Variants in PLEKHM3 observed in about 807,000 individuals in gnomAD.
PLEKHM3 encodes pleckstrin homology domain-containing family M member 3.
A neutral mutation model predicts 81.8 loss-of-function variants in PLEKHM3; 45 were observed. That is an observed-to-expected ratio of 0.55 (90% CI 0.43 to 0.71). PLEKHM3 has a LOEUF of 0.71. Ranked by LOEUF, PLEKHM3 falls within the 30% of genes least tolerant of loss-of-function variation. The pLI, the probability that PLEKHM3 is intolerant of heterozygous loss-of-function variation, is 0.00. For missense variants in PLEKHM3, 788 were observed against 924.3 expected, an observed-to-expected ratio of 0.85 and a Z score of 1.91; for synonymous variants, 352 against 356.4, an observed-to-expected ratio of 0.99 and a Z score of 0.14.
At position 207,906,661 on chromosome 2, in the gene PLEKHM3, T is replaced by C. The variant is rs150431645; in HGVS notation, c.1950+1853A>G. 2.4e-3 allele frequency among the ~76,000 whole-genome samples: 361 copies of C among 152,162 alleles called. 2 individuals carry two copies. Among genetic ancestry groups the C allele is most frequent in the African/African-American group, 8.2e-3 (342 of 41,498 alleles). On this transcript the variant is annotated intron_variant, in intron 6 of 7. Coordinates refer to ENST00000427836, the MANE Select transcript of PLEKHM3 (RefSeq NM_001080475.3). ...AAAATTAGACAGGGCTGGTGGTACA[T>C]GCTTGTCATCCCAGCTACACGGGAG... is the stretch of plus-strand genomic sequence containing the variant.
intron 6 of PLEKHM3, among the ~76,000 whole-genome samples, chr2:207,902,630 C>A (rs1472711817): frequency 2.0e-5 from 3 of 152,170 alleles, no homozygotes; most frequent in African/African-American, 7.2e-5. Flanking sequence ...ATTATTCTGA[C>A]ATAAGCAGAG....
chr2:207,875,239 A>G (rs1364642560), intron 6 of PLEKHM3, among the ~76,000 whole-genome samples: 1 of 152,210 alleles, frequency 6.6e-6, no homozygotes, highest in African/African-American at 2.4e-5. Flanking sequence ...TAACTTAAAC[A>G]CATGTTAATA....
chr2:207,893,280 C>T (rs1306765526), intron 6 of PLEKHM3, among the ~76,000 whole-genome samples: 2 of 152,262 alleles, frequency 1.3e-5, no homozygotes, highest in Admixed American at 6.5e-5. Flanking sequence ...TGCGTGCCAG[C>T]AGGCCTCTGG....
At chr2:207,962,945 G>A (rs950938496) in intron 3 of PLEKHM3, among the ~76,000 whole-genome samples, 5 of 136,800 alleles carry the variant, frequency 3.7e-5, no homozygotes, top group African/African-American at 5.1e-5. Context: ...AAAAAAAGAC[G>A]TGCCCGGAAA....
intron 7 of PLEKHM3, among the ~76,000 whole-genome samples, chr2:207,829,107 G>A (rs977534020): frequency 2.0e-5 from 3 of 152,058 alleles, no homozygotes; most frequent in East Asian, 1.9e-4. Flanking sequence ...TAACATGAGC[G>A]TGAACATTAA....
intron 3 of PLEKHM3, among the ~76,000 whole-genome samples, chr2:207,948,379 A>C (rs1351279040): frequency 8.3e-6 from 1 of 120,536 alleles, no homozygotes; most frequent in Non-Finnish European, 1.7e-5. Context: ...TTTTTGAGAC[A>C]GAGTCTCACT....
chr2:207,840,746 C>T (rs1356692212), intron 7 of PLEKHM3, among the ~76,000 whole-genome samples: 1 of 150,942 alleles, frequency 6.6e-6, no homozygotes, highest in East Asian at 1.9e-4. Flanking sequence ...CTCCAAGTTT[C>T]CTGTTTATGT....
intron 2 of PLEKHM3, among the ~76,000 whole-genome samples, chr2:207,997,535 G>A (rs899779784): frequency 6.6e-6 from 1 of 152,206 alleles, no homozygotes; most frequent in Admixed American, 6.5e-5. Context: ...ACACCAGCAA[G>A]TAAGAGAATG....
At chr2:208,023,951 T>C (rs1574501077) in intron 1 of PLEKHM3, among the ~76,000 whole-genome samples, 1 of 152,056 alleles carries the variant, frequency 6.6e-6, no homozygotes, top group African/African-American at 2.4e-5. Context: ...AAGACCAGCC[T>C]GGGCAACATG....
chr2:207,859,269 G>A (rs1195033633), intron 7 of PLEKHM3, among the ~76,000 whole-genome samples: 1 of 150,996 alleles, frequency 6.6e-6, no homozygotes, highest in African/African-American at 2.4e-5. Flanking sequence ...CTCCCGAGCA[G>A]CTGGGATTAC....
chr2:207,999,827 A>G (rs1692237893), intron 2 of PLEKHM3, among the ~76,000 whole-genome samples: 1 of 152,214 alleles, frequency 6.6e-6, no homozygotes, highest in Non-Finnish European at 1.5e-5. Context: ...CTCGGGTTAC[A>G]CTTATAAGCT....
intron 4 of PLEKHM3, among the ~76,000 whole-genome samples, chr2:207,932,091 G>C (rs1329275805): frequency 6.6e-6 from 1 of 152,218 alleles, no homozygotes; most frequent in African/African-American, 2.4e-5. Context: ...CAAATATACT[G>C]CTTCAGTGAC....
chr2:207,841,741 G>A (rs2092355423), intron 7 of PLEKHM3, among the ~76,000 whole-genome samples: 1 of 151,298 alleles, frequency 6.6e-6, no homozygotes, highest in Non-Finnish European at 1.5e-5. Context: ...TATTACTTGG[G>A]TCTATTTCCA....
At chr2:207,956,453 A>G (rs1690510712) in intron 3 of PLEKHM3, among the ~76,000 whole-genome samples, 1 of 152,090 alleles carries the variant, frequency 6.6e-6, no homozygotes, top group African/African-American at 2.4e-5. Context: ...AGCTTGGGCA[A>G]CGGTATGAGA....
intron 4 of PLEKHM3, among the ~76,000 whole-genome samples, chr2:207,932,152 AAT>A (rs1689618560): frequency 6.6e-6 from 1 of 152,234 alleles, no homozygotes; most frequent in African/African-American, 2.4e-5. Flanking sequence ...AACTCCAGCC[AAT>A]ATATCCATCC....
intron 3 of PLEKHM3, among the ~76,000 whole-genome samples, chr2:207,960,521 A>G (rs1690692351): frequency 6.6e-6 from 1 of 152,232 alleles, no homozygotes; most frequent in Admixed American, 6.5e-5. Flanking sequence ...TCTGGAAGCA[A>G]TATATGTGAT....
At chr2:207,854,852 C>T (rs1574338380) in intron 7 of PLEKHM3, among the ~76,000 whole-genome samples, 2 of 152,262 alleles carry the variant, frequency 1.3e-5, no homozygotes, top group Admixed American at 1.3e-4. Context: ...GGTGAGAATC[C>T]AGCATCTTAA....
intron 3 of PLEKHM3, among the ~76,000 whole-genome samples, chr2:207,958,735 T>C (rs151296667): frequency 0.019 from 2,880 of 151,588 alleles, 93 homozygotes; most frequent in African/African-American, 0.066. Context: ...CATGATGAAA[T>C]CCCGTCTCTA....
intron 1 of PLEKHM3, among the ~76,000 whole-genome samples, chr2:208,008,538 A>T (rs187143345): frequency 6.6e-6 from 1 of 150,460 alleles, no homozygotes; most frequent in African/African-American, 2.4e-5. Flanking sequence ...GACAAAAAAA[A>T]ATGTCCCAGG....
Sources: gnomAD v4.1 joint callset for allele counts (sites outside exome capture counted in the v4.1 genomes callset) on GRCh38, gnomAD v4.1.1 for gene constraint, MANE v1.5 for transcripts, NCBI Gene and HGNC (gene_info 2026-07-23, HGNC 2026-07-21) for gene names.